The following TENM1 variants were observed in gnomAD, a reference collection of about 807,000 sequenced individuals.
The protein encoded by TENM1 is teneurin-1.
In TENM1, 35 loss-of-function variants were observed where a neutral mutation model predicts 174.8. The observed-to-expected ratio is 0.20, with a 90% confidence interval of 0.15 to 0.27. TENM1 has a LOEUF of 0.27. Ranked by LOEUF, TENM1 falls within the 10% of genes least tolerant of loss-of-function variation. The pLI is 1.00. For missense variants in TENM1, 1,633 were observed against 2,130.1 expected, an observed-to-expected ratio of 0.77 and a Z score of 4.59; for synonymous variants, 781 against 798.7, an observed-to-expected ratio of 0.98 and a Z score of 0.37.
intron 11 of TENM1, among the ~76,000 whole-genome samples, chrX:124,639,853 G>C (rs1194758473): frequency 9.0e-6 from 1 of 111,433 alleles, no homozygotes. Flanking sequence ...GTAACATTTA[G>C]TAAGTAAATT....
intron 18 of TENM1, among the ~76,000 whole-genome samples, chrX:124,509,031 G>A (rs1200944405): frequency 9.0e-6 from 1 of 110,832 alleles, no homozygotes; most frequent in Non-Finnish European, 1.9e-5. Flanking sequence ...CCCAGTGGAG[G>A]TTATATTCAA....
At chrX:124,734,481 A>AATAC (rs1245932633) in intron 4 of TENM1, among the ~76,000 whole-genome samples, 2 of 110,647 alleles carry the variant, frequency 1.8e-5, no homozygotes, top group Non-Finnish European at 3.8e-5. Context: ...TAAATAAATA[A>AATAC]ATAAATACAG....
At chrX:124,981,703 C>T in the TENM1 span, among the ~76,000 whole-genome samples, 1 of 111,113 alleles carries the variant, frequency 9.0e-6, no homozygotes, top group African/African-American at 3.3e-5. Flanking sequence ...ACAAACTCTC[C>T]AGATTATCTA....
the TENM1 span, among the ~76,000 whole-genome samples, chrX:124,971,806 C>G: frequency 4.5e-5 from 5 of 111,636 alleles, no homozygotes; most frequent in East Asian, 1.4e-3. Context: ...ATTAATTGTG[C>G]TTTTAGTTTG....
rs2060424265 is a variant in TENM1 at position 124,403,497 on chromosome X, G to T, written c.5391+1534C>A. 3.0e-5 allele frequency among the ~76,000 whole-genome samples: 3 copies of T among 100,525 alleles called. 1 individual carries two copies. In the South Asian group the frequency reaches 1.5e-3, roughly 49 times the overall value. 87.3% of individuals were successfully genotyped at this position (100,525 alleles called of 115,157 possible). A position where few individuals can be genotyped will look rare whatever the true frequency, so the allele number is the denominator to read the frequency against. ...ATCGCACCACTGCACTCCAGCCTGG[G>T]CGACAGAGCAAGACTCTTGTCTCAA... On this transcript the variant is annotated intron_variant, in intron 27 of 31. Coordinates refer to ENST00000422452, the Ensembl canonical transcript of TENM1.
chrX:124,573,461 T>C (rs2049100594), intron 11 of TENM1, among the ~76,000 whole-genome samples: 1 of 111,834 alleles, frequency 8.9e-6, no homozygotes, highest in South Asian at 3.7e-4. Context: ...CAGCTGTTCA[T>C]TATGTTATCT....
intron 23 of TENM1, among the ~76,000 whole-genome samples, chrX:124,443,042 CTATGTGTGTGTGTGTGTGTG>C (rs1468037184): frequency 7.1e-3 from 298 of 42,164 alleles, no homozygotes; most frequent in African/African-American, 0.029. Context: ...GCCTGGATGA[CTATGTGTGTGTGTGTGTGTG>C]TGTGTGTGTG....
the TENM1 span, among the ~76,000 whole-genome samples, chrX:125,177,426 G>A: frequency 1.8e-5 from 2 of 112,317 alleles, no homozygotes; most frequent in African/African-American, 6.5e-5. Flanking sequence ...CTATACTATA[G>A]AAAAGACCCT....
At chrX:125,165,122 A>G in the TENM1 span, among the ~76,000 whole-genome samples, 19 of 112,126 alleles carry the variant, frequency 1.7e-4, no homozygotes, top group African/African-American at 5.8e-4. Context: ...CCATCAAAAT[A>G]AACCTTCTCT....
exon 1 of TENM1, chrX:124,963,741 C>T (rs1424413627): frequency 1.7e-6 from 2 of 1,207,998 alleles, no homozygotes; most frequent in Admixed American, 2.2e-5. Flanking sequence ...GGTTTGCAGT[C>T]AGTTTGCTCC....
chrX:124,784,441 G>A (rs540383282), intron 3 of TENM1, among the ~76,000 whole-genome samples: 1 of 111,767 alleles, frequency 8.9e-6, no homozygotes. Flanking sequence ...AGTCATTCAT[G>A]ATCATGCCTA....
intron 5 of TENM1, among the ~76,000 whole-genome samples, chrX:124,693,045 G>T (rs867065992): frequency 3.1e-5 from 3 of 97,011 alleles, no homozygotes; most frequent in African/African-American, 7.6e-5. Context: ...AAGAAAGAAA[G>T]AAAATGCTGC....
intron 11 of TENM1, among the ~76,000 whole-genome samples, chrX:124,572,081 GT>G (rs199792099): frequency 0.011 from 1,252 of 109,879 alleles, 23 homozygotes; most frequent in African/African-American, 0.039. Context: ...GTTCCACCTT[GT>G]CCAGCTCTAG....
chrX:124,382,481 C>G (rs1286491489), intron 31 of TENM1, among the ~76,000 whole-genome samples, 189 bp downstream of exon 34: 1 of 111,008 alleles, frequency 9.0e-6, no homozygotes, highest in East Asian at 2.8e-4. Flanking sequence ...TTTTTTCCCC[C>G]AAAACTCCAA....
intron 3 of TENM1, among the ~76,000 whole-genome samples, chrX:124,887,566 C>T: frequency 9.0e-6 from 1 of 111,541 alleles, no homozygotes; most frequent in East Asian, 2.8e-4. Flanking sequence ...GCTAAAATTA[C>T]CTACTGAAAA....
intron 3 of TENM1, among the ~76,000 whole-genome samples, chrX:124,759,554 G>A (rs1009035068): frequency 2.7e-5 from 3 of 111,349 alleles, no homozygotes; most frequent in Non-Finnish European, 3.8e-5. Flanking sequence ...CCAGTTATGA[G>A]TGAGAATATA....
the TENM1 span, among the ~76,000 whole-genome samples, chrX:125,153,960 T>G: frequency 1.8e-5 from 2 of 112,475 alleles, no homozygotes; most frequent in Admixed American, 1.9e-4. Flanking sequence ...AAGCTGCATT[T>G]TAATCCTCAA....
At chrX:125,086,449 A>C in the TENM1 span, among the ~76,000 whole-genome samples, 1 of 111,111 alleles carries the variant, frequency 9.0e-6, no homozygotes, top group Non-Finnish European at 1.9e-5. Context: ...CATCCTAGTC[A>C]AGAACATGGT....
chrX:124,545,025 T>A (rs1033000586), intron 15 of TENM1, among the ~76,000 whole-genome samples: 1 of 112,250 alleles, frequency 8.9e-6, no homozygotes, highest in Middle Eastern at 4.6e-3. Flanking sequence ...CCCAAAGATA[T>A]CCCAAATAAA....
Sources: allele counts gnomAD v4.1 joint callset (sites outside exome capture counted in the v4.1 genomes callset), GRCh38; gene constraint gnomAD v4.1.1; transcripts MANE v1.5; gene names NCBI Gene and HGNC (gene_info 2026-07-23, HGNC 2026-07-21).